The following MYO5A variants were observed in gnomAD, a reference collection of about 807,000 sequenced individuals.
MYO5A encodes the protein unconventional myosin-Va.
Under a neutral mutation model 249.7 loss-of-function variants are expected in MYO5A, and 98 were observed. That is an observed-to-expected ratio of 0.39 (90% CI 0.33 to 0.46). The LOEUF is 0.46. Among genes scored for constraint, MYO5A ranks in the 20% least tolerant of loss-of-function variants. MYO5A has a pLI of 0.98. For missense variants in MYO5A, 1,696 were observed against 2,308.8 expected, an observed-to-expected ratio of 0.73 and a Z score of 5.44; for synonymous variants, 778 against 810.6, an observed-to-expected ratio of 0.96 and a Z score of 0.68.
At chr15:52,358,734 A>G (rs1430368971) in intron 25 of MYO5A, among the ~76,000 whole-genome samples, 1 of 152,186 alleles carries the variant, frequency 6.6e-6, no homozygotes, top group East Asian at 1.9e-4. Flanking sequence ...CACATGGAAC[A>G]GAAGAACTCC....
chr15:52,364,433 G>A, intron 24 of MYO5A, 121 bp downstream of exon 24: 1 of 902,440 alleles, frequency 1.1e-6, no homozygotes, highest in Non-Finnish European at 1.7e-6. Context: ...AATATGTGTT[G>A]AACATTCTGG....
chr15:52,448,953 C>CT (rs1567136629), intron 1 of MYO5A, among the ~76,000 whole-genome samples: 21 of 61,846 alleles, frequency 3.4e-4, no homozygotes, highest in African/African-American at 8.5e-4. Flanking sequence ...CTTTTCTTGT[C>CT]TTTCTTTTTT....
rs546855153 is a variant in MYO5A at position 52,513,393 on chromosome 15, T to C, written c.27+15387A>G. 6.9e-5 allele frequency among the ~76,000 whole-genome samples: 10 copies of C among 145,826 alleles called. No homozygotes were observed. The South Asian group carries it at 2.0e-3, about 30-fold the overall frequency. Reference sequence around the variant, plus strand: ...TTGCAGTGAGCCGAGATGGTGCCATTGCACTCCAGCCTGGGCAACAAGAGC... The same window carrying C: ...TTGCAGTGAGCCGAGATGGTGCCATCGCACTCCAGCCTGGGCAACAAGAGC... On this transcript the variant is annotated intron_variant, in intron 1 of 41. Transcript: ENST00000399233.
In MYO5A at chr15:52,377,140, T is replaced by C. The variant is rs144278879; in HGVS notation, c.2209-582A>G. Reference sequence around the variant, plus strand: ...ATAAATATGTTTAAAATCCTACAAATTGGCCGGGTGTAGTGGCTCACGTGT... The same window carrying C: ...ATAAATATGTTTAAAATCCTACAAACTGGCCGGGTGTAGTGGCTCACGTGT... On this transcript the variant is annotated intron_variant, in intron 18 of 41. Transcript: ENST00000399233. 6.4e-4 allele frequency among the ~76,000 whole-genome samples: 98 copies of C among 152,224 alleles called. 1 individual carries two copies. Among genetic ancestry groups the C allele is most frequent in the African/African-American group, 2.1e-3 (88 of 41,542 alleles).
Position 52,459,307 on chromosome 15 carries a change from C to T in MYO5A, c.28-26022G>A, listed in dbSNP as rs143596332. Among the ~76,000 whole-genome samples, 324 of 151,930 alleles carry T rather than the reference C, an allele frequency of 2.1e-3. 1 individual carries two copies. Among genetic ancestry groups the T allele is most frequent in the African/African-American group, 7.5e-3 (310 of 41,440 alleles). ...TGGTTTTCCTAGGCAGAGGGCCCTG[C>T]CGCCTTCCACCTTCCACAGTGTTTG... On this transcript the variant is annotated intron_variant, in intron 1 of 41. Transcript: ENST00000399233.
At chr15:52,522,343 C>A (rs1489475128) in intron 1 of MYO5A, among the ~76,000 whole-genome samples, 1 of 152,080 alleles carries the variant, frequency 6.6e-6, no homozygotes, top group African/African-American at 2.4e-5. Context: ...GTATATTATA[C>A]CTCAATAAAG....
At chr15:52,507,680 G>A (rs2077300728) in intron 1 of MYO5A, among the ~76,000 whole-genome samples, 1 of 151,722 alleles carries the variant, frequency 6.6e-6, no homozygotes. Flanking sequence ...GCAGGGCATA[G>A]TGGCATGCAC....
At chr15:52,392,208 C>A in intron 11 of MYO5A, 138 bp from the exon 12 acceptor site, 6 of 811,132 alleles carry the variant, frequency 7.4e-6, no homozygotes, top group South Asian at 3.3e-5. Flanking sequence ...GATTTACACA[C>A]AGAGAAAGCA....
At chr15:52,330,210 A>G in intron 35 of MYO5A, 143 bp downstream of exon 35, 1 of 1,123,072 alleles carries the variant, frequency 8.9e-7, no homozygotes, top group East Asian at 2.4e-5. Context: ...TGTGGTCAGA[A>G]CACTACTGCA....
chr15:52,392,178 C>T, intron 11 of MYO5A, 108 bp from the exon 12 acceptor site: 1 of 1,102,818 alleles, frequency 9.1e-7, no homozygotes, highest in Non-Finnish European at 1.3e-6. Context: ...TCAACAACAA[C>T]AACCTCACGG....
At chr15:52,396,468 A>G in intron 10 of MYO5A, 71 bp from the exon 11 acceptor site, 1 of 858,572 alleles carries the variant, frequency 1.2e-6, no homozygotes, top group Non-Finnish European at 1.9e-6. Context: ...TTCAAAATAT[A>G]CACATTAGGA....
chr15:52,449,466 C>T (rs1007350610), intron 1 of MYO5A, among the ~76,000 whole-genome samples: 2 of 152,116 alleles, frequency 1.3e-5, no homozygotes, highest in Admixed American at 1.3e-4. Flanking sequence ...AGCCCTTTCC[C>T]CCATCCTCAT....
chr15:52,318,840 G>T (rs1426801150), intron 39 of MYO5A, among the ~76,000 whole-genome samples: 3 of 152,178 alleles, frequency 2.0e-5, no homozygotes, highest in African/African-American at 7.2e-5. Flanking sequence ...AGAATGTGAA[G>T]AACCTGTTGG....
rs2037753568 is a variant in MYO5A, at chr15:52,311,018, T to C, written c.*2678A>G. 6.6e-6 allele frequency: 1 copy of C among 152,286 alleles called. No individual in the cohort carries two copies. Among genetic ancestry groups the C allele is most frequent in the South Asian group, 2.1e-4 (1 of 4,814 alleles). The allele number at this position is 152,286 out of a possible 1,614,324, so 9.4% of individuals were successfully genotyped here. A position where few individuals can be genotyped will look rare whatever the true frequency, so the allele number is the denominator to read the frequency against. ...CTGGAGCCCTGGAATAGCAGAACCTTTGTGCCACCATCGCTGAACAGGAGA... is the reference window on the plus strand; with the variant it reads ...CTGGAGCCCTGGAATAGCAGAACCTCTGTGCCACCATCGCTGAACAGGAGA... On this transcript the variant is annotated 3_prime_UTR_variant, in exon 42 of 42. Transcript: ENST00000399233.
intron 4 of MYO5A, among the ~76,000 whole-genome samples, chr15:52,419,391 G>T (rs1373244066): frequency 6.6e-6 from 1 of 152,066 alleles, no homozygotes; most frequent in Non-Finnish European, 1.5e-5. Context: ...GCTTCACTGA[G>T]ACTTTAATCT....
Position 52,321,517 on chromosome 15 carries a change from C to A in MYO5A, c.4801-8G>T. 1 of 1,614,070 alleles carries A rather than the reference C, an allele frequency of 6.2e-7. No individual in the cohort carries two copies. Among genetic ancestry groups the A allele is most frequent in the South Asian group, 1.1e-5 (1 of 91,058 alleles). On this transcript the variant is annotated splice_polypyrimidine_tract_variant and splice_region_variant and intron_variant, in intron 37 of 41. Coordinates refer to ENST00000399233, the MANE Select transcript of MYO5A (RefSeq NM_001382347.1). ...GTTGTGCTTCATAAAGCCCTAGAGT[C>A]ATAAGGCAAAGTTAATGATACACAT...
At chr15:52,479,897 C>T (rs749352319) in intron 1 of MYO5A, among the ~76,000 whole-genome samples, 5 of 152,154 alleles carry the variant, frequency 3.3e-5, no homozygotes, top group Non-Finnish European at 7.4e-5. Context: ...GCTCTGGGCT[C>T]CAGCTCAGCA....
At chr15:52,511,688 C>A (rs754891811) in intron 1 of MYO5A, among the ~76,000 whole-genome samples, 8 of 152,166 alleles carry the variant, frequency 5.3e-5, no homozygotes, top group Non-Finnish European at 1.0e-4. Context: ...AGCTAACTGG[C>A]CCGCTGATTA....
chr15:52,519,131 G>T (rs768594933), intron 1 of MYO5A, among the ~76,000 whole-genome samples: 1 of 152,156 alleles, frequency 6.6e-6, no homozygotes. Context: ...CAGGCAAAAA[G>T]AAATTGTGCA....
Sources: allele counts gnomAD v4.1 joint callset (sites outside exome capture counted in the v4.1 genomes callset), GRCh38; gene constraint gnomAD v4.1.1; transcripts MANE v1.5; gene names NCBI Gene and HGNC (gene_info 2026-07-23, HGNC 2026-07-21).